Variants in AGMO observed in about 807,000 individuals in gnomAD.
AGMO encodes the protein glyceryl-ether monooxygenase.
Under a neutral mutation model 60.2 loss-of-function variants are expected in AGMO, and 75 were observed. The observed-to-expected ratio is 1.25, with a 90% CI of 1.03 to 1.51. AGMO has a LOEUF of 1.51. Among genes scored for constraint, AGMO ranks in the 40% most tolerant of loss-of-function variants. AGMO has a pLI of 0.00. For synonymous variants in AGMO, 261 were observed against 177.1 expected (o/e 1.47, Z -3.76); for missense variants, 763 against 525.5 (o/e 1.45, Z -4.42).
chr7:15,174,135 T>G, the AGMO span, among the ~76,000 whole-genome samples: 1 of 152,040 alleles, frequency 6.6e-6, no homozygotes, highest in Non-Finnish European at 1.5e-5. Flanking sequence ...TTTTTGGTAC[T>G]TCTATGTATT....
the AGMO span, among the ~76,000 whole-genome samples, chr7:15,147,129 C>A: frequency 2.0e-5 from 3 of 152,130 alleles, no homozygotes; most frequent in South Asian, 6.2e-4. Context: ...TCCTCAGGGT[C>A]CAAGGTGGCT....
At chr7:15,514,959 A>G (rs542760448) in intron 3 of AGMO, among the ~76,000 whole-genome samples, 1 of 152,296 alleles carries the variant, frequency 6.6e-6, no homozygotes, top group African/African-American at 2.4e-5. Context: ...GATGGGAGGC[A>G]GTGAGTGAGC....
intron 5 of AGMO, among the ~76,000 whole-genome samples, chr7:15,402,435 TA>T (rs1784575701): frequency 6.6e-6 from 1 of 151,686 alleles, no homozygotes; most frequent in African/African-American, 2.4e-5. Flanking sequence ...AAGATCTTTA[TA>T]ATTCACTATA....
intron 3 of AGMO, among the ~76,000 whole-genome samples, chr7:15,471,435 G>C (rs1297036405): frequency 1.3e-5 from 2 of 151,846 alleles, no homozygotes; most frequent in African/African-American, 2.4e-5. Context: ...ATAAAAATGA[G>C]ATCATTACCC....
chr7:15,369,385 G>A lies in AGMO; in HGVS notation c.1075-3163C>T, dbSNP rs1467370563. Among the ~76,000 whole-genome samples the A allele has an allele frequency of 2.6e-5, 4 of 151,896 alleles. No individual in the cohort carries two copies. In the East Asian group the frequency reaches 5.8e-4, roughly 22 times the overall value. ...AAAGTCATCACTCTAGCCCAAATAC[G>A]CCATACCCCACTATTAATCCCTAGT... On this transcript the variant is annotated intron_variant, in intron 10 of 12. Transcript: ENST00000342526.
downstream of AGMO, chr7:15,200,314 C>A (rs996458623): frequency 6.6e-6 from 1 of 152,142 alleles, no homozygotes; most frequent in South Asian, 2.1e-4. Context: ...AATGTACACA[C>A]AACACCTTGG....
intron 12 of AGMO, among the ~76,000 whole-genome samples, chr7:15,353,418 G>A (rs556677315): frequency 6.6e-6 from 1 of 151,954 alleles, no homozygotes; most frequent in East Asian, 1.9e-4. Context: ...AAAATTCCTA[G>A]GCTTATGATG....
At chr7:15,505,010 G>A (rs1488770560) in intron 3 of AGMO, among the ~76,000 whole-genome samples, 2 of 151,658 alleles carry the variant, frequency 1.3e-5, no homozygotes, top group African/African-American at 4.8e-5. Context: ...ATTCTTGTGT[G>A]CTCCAGGTCT....
chr7:15,401,678 T>A (rs1482135052), intron 5 of AGMO, among the ~76,000 whole-genome samples: 1 of 152,188 alleles, frequency 6.6e-6, no homozygotes, highest in Non-Finnish European at 1.5e-5. Flanking sequence ...CTATGGTTAA[T>A]TGTAAAGTTC....
intron 3 of AGMO, among the ~76,000 whole-genome samples, chr7:15,509,250 A>G (rs1488852600): frequency 6.6e-6 from 1 of 152,220 alleles, no homozygotes; most frequent in Admixed American, 6.6e-5. Flanking sequence ...AACAGAACAC[A>G]GACCTCAGAT....
chr7:15,165,654 G>T, the AGMO span, among the ~76,000 whole-genome samples: 12 of 152,204 alleles, frequency 7.9e-5, no homozygotes, highest in African/African-American at 2.9e-4. Flanking sequence ...AAGTTTTACT[G>T]TTCCTAGTCT....
chr7:15,365,397 A>AAAAAAAAAAAAAAATT, intron 12 of AGMO, 117 bp downstream of exon 12: 1 of 486,326 alleles, frequency 2.1e-6, no homozygotes. Flanking sequence ...AAAAAAAAAG[A>AAAAAAAAAAAAAAATT]TCAAGATTTC....
chr7:15,389,652 A>G (rs560800430), intron 8 of AGMO, among the ~76,000 whole-genome samples: 2 of 152,322 alleles, frequency 1.3e-5, no homozygotes, highest in South Asian at 4.1e-4. Flanking sequence ...AATTGAGTTA[A>G]GCAAATCTTG....
chr7:15,183,414 A>G, the AGMO span, among the ~76,000 whole-genome samples: 1 of 152,156 alleles, frequency 6.6e-6, no homozygotes, highest in Non-Finnish European at 1.5e-5. Context: ...ATTCTGATAC[A>G]ATTTACAATA....
intron 3 of AGMO, among the ~76,000 whole-genome samples, chr7:15,527,375 C>T (rs1367637860): frequency 6.6e-6 from 1 of 152,172 alleles, no homozygotes; most frequent in African/African-American, 2.4e-5. Context: ...ATCAAACTAG[C>T]CACAATTTCC....
At chr7:15,499,278 A>G (rs1783316182) in intron 3 of AGMO, among the ~76,000 whole-genome samples, 1 of 151,904 alleles carries the variant, frequency 6.6e-6, no homozygotes, top group South Asian at 2.1e-4. Flanking sequence ...TTTTTTAAAA[A>G]ACAAAAATTC....
chr7:15,440,611 T>C (rs73682003), intron 3 of AGMO, among the ~76,000 whole-genome samples: 1,793 of 152,296 alleles, frequency 0.012, 38 homozygotes, highest in African/African-American at 0.041. Context: ...ATGGTGCTCA[T>C]GGTTTCACCT....
intron 3 of AGMO, among the ~76,000 whole-genome samples, chr7:15,464,578 G>GT (rs1354666048): frequency 1.3e-5 from 2 of 152,138 alleles, no homozygotes; most frequent in Non-Finnish European, 2.9e-5. Flanking sequence ...TTTCAAAAAA[G>GT]TTAGGTGATT....
intron 12 of AGMO, among the ~76,000 whole-genome samples, chr7:15,320,702 G>A (rs1199463505): frequency 1.2e-4 from 18 of 152,046 alleles, no homozygotes; most frequent in Admixed American, 1.2e-3. Flanking sequence ...ATCATTAAAT[G>A]AGACGATATA....
Sources: allele counts gnomAD v4.1 joint callset (sites outside exome capture counted in the v4.1 genomes callset), GRCh38; gene constraint gnomAD v4.1.1; transcripts MANE v1.5; gene names NCBI Gene and HGNC (gene_info 2026-07-23, HGNC 2026-07-21).